Variants in NXPH2 observed in about 807,000 individuals in gnomAD.
NXPH2 encodes the protein neurexophilin-2.
A neutral mutation model predicts 19.8 loss-of-function variants in NXPH2; 5 were observed. The ratio of observed to expected loss-of-function variants is 0.25; its 90% CI spans 0.13 to 0.53. The LOEUF is 0.53. Among genes scored for constraint, NXPH2 ranks in the 20% least tolerant of loss-of-function variants. NXPH2 has a pLI of 0.96. For missense variants in NXPH2, 289 were observed against 322.8 expected, an observed-to-expected ratio of 0.90 and a Z score of 0.80; for synonymous variants, 154 against 127.4, an observed-to-expected ratio of 1.21 and a Z score of -1.41.
At chr2:138,684,949 G>A (rs1237621476) in intron 1 of NXPH2, among the ~76,000 whole-genome samples, 1 of 152,180 alleles carries the variant, frequency 6.6e-6, no homozygotes, top group African/African-American at 2.4e-5. Context: ...CAACAAGAGG[G>A]CTTTCCACAC....
chr2:138,776,538 T>A (rs958077219), intron 1 of NXPH2, among the ~76,000 whole-genome samples: 4 of 151,758 alleles, frequency 2.6e-5, no homozygotes, highest in African/African-American at 9.7e-5. Context: ...TTTTAAAGTG[T>A]GTAAAATAAT....
At chr2:138,732,372 T>A in intron 1 of NXPH2, among the ~76,000 whole-genome samples, 1 of 152,326 alleles carries the variant, frequency 6.6e-6, no homozygotes, top group African/African-American at 2.4e-5. Context: ...GAGATGCATC[T>A]GGGTCTTTTA....
At chr2:138,766,537 G>A (rs549988836) in intron 1 of NXPH2, among the ~76,000 whole-genome samples, 4 of 152,108 alleles carry the variant, frequency 2.6e-5, no homozygotes, top group Non-Finnish European at 4.4e-5. Flanking sequence ...TCCCAACAAC[G>A]AGAAACTATT....
intron 1 of NXPH2, 35 bp downstream of exon 1, chr2:138,780,156 C>G: frequency 6.8e-7 from 1 of 1,472,384 alleles, no homozygotes; most frequent in Non-Finnish European, 8.9e-7. Flanking sequence ...AACGCGTCCC[C>G]GGCGTGTGGG....
intron 1 of NXPH2, among the ~76,000 whole-genome samples, chr2:138,739,292 C>T (rs762066549): frequency 6.6e-6 from 1 of 152,122 alleles, no homozygotes; most frequent in Non-Finnish European, 1.5e-5. Context: ...GGCCACAGCC[C>T]CAGTGTGAAT....
chr2:138,766,521 G>C (rs1040858543), intron 1 of NXPH2, among the ~76,000 whole-genome samples: 1 of 152,134 alleles, frequency 6.6e-6, no homozygotes, highest in African/African-American at 2.4e-5. Context: ...CAATGCACAG[G>C]ATGGCTCCCA....
intron 1 of NXPH2, among the ~76,000 whole-genome samples, chr2:138,673,798 T>G (rs1173189289): frequency 9.9e-5 from 15 of 151,940 alleles, no homozygotes; most frequent in Non-Finnish European, 1.3e-4. Context: ...TTCTTCCATC[T>G]AACTGTGTTT....
intron 1 of NXPH2, among the ~76,000 whole-genome samples, chr2:138,694,933 C>T (rs1331122981): frequency 1.3e-5 from 2 of 152,078 alleles, no homozygotes; most frequent in African/African-American, 2.4e-5. Flanking sequence ...AGATGTATAG[C>T]CTACTACACA....
At chr2:138,769,716 C>A (rs1249789999) in intron 1 of NXPH2, among the ~76,000 whole-genome samples, 2 of 152,122 alleles carry the variant, frequency 1.3e-5, no homozygotes. Context: ...CCAGGAGGCT[C>A]CCCTGAGCAC....
intron 1 of NXPH2, among the ~76,000 whole-genome samples, chr2:138,757,768 T>C (rs1681935729): frequency 6.6e-6 from 1 of 151,150 alleles, no homozygotes; most frequent in Non-Finnish European, 1.5e-5. Flanking sequence ...TGTGTGTGTG[T>C]GCATGTGTGT....
At chr2:138,690,715 A>G (rs1490911172) in intron 1 of NXPH2, among the ~76,000 whole-genome samples, 2 of 139,904 alleles carry the variant, frequency 1.4e-5, no homozygotes, top group East Asian at 2.0e-4. Context: ...CATTTCACAC[A>G]TACTTGGGGG....
intron 1 of NXPH2, among the ~76,000 whole-genome samples, chr2:138,685,553 C>T (rs916086549): frequency 3.3e-5 from 5 of 152,162 alleles, no homozygotes; most frequent in South Asian, 4.1e-4. Context: ...ACCTACTGAT[C>T]GTCATAGCTT....
At chr2:138,776,028 A>G (rs1487890040) in intron 1 of NXPH2, among the ~76,000 whole-genome samples, 1 of 152,128 alleles carries the variant, frequency 6.6e-6, no homozygotes, top group Non-Finnish European at 1.5e-5. Context: ...GTAAACGGTA[A>G]GAGACAGTCT....
At chr2:138,759,925 T>A (rs900956172) in intron 1 of NXPH2, among the ~76,000 whole-genome samples, 3 of 151,944 alleles carry the variant, frequency 2.0e-5, no homozygotes, top group Admixed American at 2.0e-4. Flanking sequence ...GAGATGGGAT[T>A]TCACCATGTT....
intron 1 of NXPH2, among the ~76,000 whole-genome samples, chr2:138,706,318 G>T (rs1363763896): frequency 6.6e-6 from 1 of 152,204 alleles, no homozygotes; most frequent in Non-Finnish European, 1.5e-5. Flanking sequence ...TAGCAGAGCT[G>T]CTGTAGTCTA....
intron 1 of NXPH2, among the ~76,000 whole-genome samples, chr2:138,765,140 A>G (rs1275994361): frequency 2.6e-5 from 4 of 152,200 alleles, no homozygotes; most frequent in Admixed American, 2.0e-4. Context: ...AAGTTCAGTA[A>G]GAGAGTGTTA....
At chr2:138,739,795 G>A (rs1681614792) in intron 1 of NXPH2, among the ~76,000 whole-genome samples, 1 of 152,180 alleles carries the variant, frequency 6.6e-6, no homozygotes. Context: ...GGTCTGTATG[G>A]TTTATTTCAT....
chr2:138,708,865 A>T (rs142018491), intron 1 of NXPH2, among the ~76,000 whole-genome samples: 48 of 152,222 alleles, frequency 3.2e-4, no homozygotes, highest in Non-Finnish European at 6.2e-4. Context: ...GCTCTGATTC[A>T]CTCTCTCCAT....
At chr2:138,710,504 C>T (rs1031565945) in intron 1 of NXPH2, among the ~76,000 whole-genome samples, 7 of 152,014 alleles carry the variant, frequency 4.6e-5, no homozygotes, top group Admixed American at 1.3e-4. Context: ...TCAGCAACTC[C>T]ACTATTTTAC....
Sources: gnomAD v4.1 joint callset for allele counts (sites outside exome capture counted in the v4.1 genomes callset) on GRCh38, gnomAD v4.1.1 for gene constraint, MANE v1.5 for transcripts, NCBI Gene and HGNC (gene_info 2026-07-23, HGNC 2026-07-21) for gene names.